Variants in TRIM14 observed in about 807,000 individuals in gnomAD.
TRIM14 encodes tripartite motif-containing protein 14.
In TRIM14, 28 loss-of-function variants were observed where a neutral mutation model predicts 44.5. The observed-to-expected ratio is 0.63, with a 90% CI of 0.47 to 0.86. TRIM14 has a LOEUF of 0.86. Ranked by LOEUF, TRIM14 falls within the 40% of genes least tolerant of loss-of-function variation. TRIM14 has a pLI of 0.00. For synonymous variants in TRIM14, 299 were observed against 269.2 expected, an observed-to-expected ratio of 1.11 and a Z score of -1.08; for missense variants, 607 against 611.1, an observed-to-expected ratio of 0.99 and a Z score of 0.07.
chr9:98,064,823 C>T (rs1160764209), downstream of TRIM14, among the ~76,000 whole-genome samples: 1 of 152,228 alleles, frequency 6.6e-6, no homozygotes, highest in Non-Finnish European at 1.5e-5. Context: ...ACTGTGAATG[C>T]CTGAAAGCTC....
the TRIM14 span, among the ~76,000 whole-genome samples, chr9:98,056,337 C>G: frequency 6.6e-6 from 1 of 151,976 alleles, no homozygotes; most frequent in East Asian, 1.9e-4. Flanking sequence ...CTGGCATAGG[C>G]TGGACTCGAT....
chr9:98,106,505 T>C (rs1193509931), intron 2 of TRIM14, among the ~76,000 whole-genome samples: 1 of 152,182 alleles, frequency 6.6e-6, no homozygotes, highest in Non-Finnish European at 1.5e-5. Flanking sequence ...AGGCATAGGG[T>C]GGCAATATCT....
chr9:98,116,801 G>A (rs530458218), intron 1 of TRIM14, among the ~76,000 whole-genome samples: 11 of 149,398 alleles, frequency 7.4e-5, no homozygotes, highest in Middle Eastern at 3.5e-3. Flanking sequence ...CCACGATCAT[G>A]CCATTGCACT....
intron 5 of TRIM14, among the ~76,000 whole-genome samples, chr9:98,091,651 AAAT>A (rs1260730957): frequency 1.3e-5 from 2 of 152,204 alleles, no homozygotes; most frequent in African/African-American, 4.8e-5. Flanking sequence ...CTAAAAGGAC[AAAT>A]AATAATAGCA....
At chr9:98,060,688 A>G in the TRIM14 span, 1 of 1,127,370 alleles carries the variant, frequency 8.9e-7, no homozygotes, top group Non-Finnish European at 1.3e-6. Flanking sequence ...ATAAATAAAT[A>G]AAGATGGTGA....
chr9:98,110,023 T>G, intron 1 of TRIM14, 39 bp from the exon 2 acceptor site: 1 of 1,513,290 alleles, frequency 6.6e-7, no homozygotes, highest in Non-Finnish European at 9.2e-7. Context: ...CGTAATACTG[T>G]CACTTTCCAA....
chr9:98,111,126 G>A (rs1306207519), intron 1 of TRIM14, among the ~76,000 whole-genome samples: 1 of 152,100 alleles, frequency 6.6e-6, no homozygotes, highest in Non-Finnish European at 1.5e-5. Flanking sequence ...TCCAGGTCAG[G>A]GAAGGATCTG....
chr9:98,057,543 A>T, the TRIM14 span, among the ~76,000 whole-genome samples: 1 of 152,192 alleles, frequency 6.6e-6, no homozygotes, highest in Non-Finnish European at 1.5e-5. Flanking sequence ...CCCCATTTGA[A>T]AACGGGGCTT....
intron 1 of TRIM14, among the ~76,000 whole-genome samples, chr9:98,111,057 C>G (rs563455963): frequency 1.1e-4 from 17 of 149,802 alleles, no homozygotes; most frequent in Admixed American, 2.6e-4. Flanking sequence ...GTCCCCCCCC[C>G]CAAAAAAAAA....
downstream of TRIM14, among the ~76,000 whole-genome samples, chr9:98,079,377 A>G (rs1207033494): frequency 6.6e-6 from 1 of 152,140 alleles, no homozygotes; most frequent in Non-Finnish European, 1.5e-5. Context: ...CTGATATTGC[A>G]GTTGTTTTCC....
the TRIM14 span, among the ~76,000 whole-genome samples, chr9:98,038,378 A>C: frequency 1.3e-5 from 2 of 152,050 alleles, no homozygotes. Context: ...AACTTCCTAC[A>C]TGTTCTCAGC....
chr9:98,065,991 T>C (rs762187471), downstream of TRIM14, among the ~76,000 whole-genome samples: 8 of 152,134 alleles, frequency 5.3e-5, no homozygotes, highest in Non-Finnish European at 1.0e-4. Flanking sequence ...AGTAATCACT[T>C]TGAGAAGCAC....
At chr9:98,109,826 T>A (rs1684013187) in intron 2 of TRIM14, 63 bp downstream of exon 2, 3 of 1,341,986 alleles carry the variant, frequency 2.2e-6, no homozygotes, top group Non-Finnish European at 3.2e-6. Flanking sequence ...ATATTGGGGG[T>A]CCCTTTTGTC....
At chr9:98,105,374 T>A (rs961813641) in intron 2 of TRIM14, among the ~76,000 whole-genome samples, 2 of 151,928 alleles carry the variant, frequency 1.3e-5, no homozygotes, top group African/African-American at 4.8e-5. Context: ...ACGTCAGGAG[T>A]TCGAGACCAG....
downstream of TRIM14, among the ~76,000 whole-genome samples, chr9:98,083,310 C>T (rs1564168375): frequency 6.6e-6 from 1 of 152,202 alleles, no homozygotes; most frequent in Admixed American, 6.5e-5. Context: ...AAACAGAGCA[C>T]CAGAAGAAGG....
chr9:98,074,931 T>G (rs942614683), intron 6 of TRIM14: 4 of 152,162 alleles, frequency 2.6e-5, no homozygotes, highest in African/African-American at 9.7e-5. Context: ...AAAAATATAT[T>G]TAAAACTGAT....
chr9:98,087,414 T>A lies in TRIM14; in HGVS notation c.*56A>T, dbSNP rs1318717225. On this transcript the variant is annotated 3_prime_UTR_variant, in exon 6 of 6. Coordinates refer to ENST00000341469, the MANE Select transcript of TRIM14 (RefSeq NM_014788.4). ...ACCAGCCACGCTGATCTAGGTAGATTAGGCGAGACTGGGCAGCTGCGGCGT... is the reference window on the plus strand; with the variant it reads ...ACCAGCCACGCTGATCTAGGTAGATAAGGCGAGACTGGGCAGCTGCGGCGT... The A allele has an allele frequency of 6.2e-7, 1 of 1,609,834 alleles. No individual in the cohort carries two copies. Among genetic ancestry groups the A allele is most frequent in the Admixed American group, 1.7e-5 (1 of 59,852 alleles).
At chr9:98,071,220 C>T (rs779647486) in intron 6 of TRIM14, among the ~76,000 whole-genome samples, 5 of 152,184 alleles carry the variant, frequency 3.3e-5, no homozygotes, top group Admixed American at 1.3e-4. Context: ...TATGATGGCA[C>T]GACTGTATGG....
At chr9:98,041,926 G>A in the TRIM14 span, among the ~76,000 whole-genome samples, 1 of 151,260 alleles carries the variant, frequency 6.6e-6, no homozygotes, top group Non-Finnish European at 1.5e-5. Flanking sequence ...TCAGTGATCT[G>A]CCCGCCTTGG....
Sources: gnomAD v4.1 joint callset for allele counts (sites outside exome capture counted in the v4.1 genomes callset) on GRCh38, gnomAD v4.1.1 for gene constraint, MANE v1.5 for transcripts, NCBI Gene and HGNC (gene_info 2026-07-23, HGNC 2026-07-21) for gene names.